The following LRRC36 variants were observed in gnomAD, a reference collection of about 807,000 sequenced individuals.
The protein encoded by LRRC36 is leucine-rich repeat-containing protein 36.
In LRRC36, 62 loss-of-function variants were observed where a neutral mutation model predicts 81.1. The ratio of observed to expected loss-of-function variants is 0.76; its 90% CI spans 0.62 to 0.94. The LOEUF is 0.94. Among genes scored for constraint, LRRC36 ranks in the 40% least tolerant of loss-of-function variants. The probability of loss-of-function intolerance (pLI) is 0.00; values close to 1 mark genes in which losing one functional copy is unlikely to be tolerated. For missense variants in LRRC36, 761 were observed against 881.7 expected, an observed-to-expected ratio of 0.86 and a Z score of 1.73; for synonymous variants, 334 against 348.6, an observed-to-expected ratio of 0.96 and a Z score of 0.47.
At chr16:67,375,483 C>A in intron 10 of LRRC36, 71 bp downstream of exon 10, 1 of 1,331,680 alleles carries the variant, frequency 7.5e-7, no homozygotes. Context: ...TGCTAAAAGC[C>A]ACTTAGCTCT....
In LRRC36 at chr16:67,358,645, A is replaced by G. The variant is rs561503684; in HGVS notation, c.578-4945A>G. Among the ~76,000 whole-genome samples the G allele has an allele frequency of 2.6e-4, 40 of 152,142 alleles. 1 individual carries two copies. The South Asian group carries it at 7.7e-3, about 29-fold the overall frequency. On this transcript the variant is annotated intron_variant, in intron 5 of 13. Transcript: ENST00000329956. ...TGGGATTACAGGCATGAGCTAACGT[A>G]TTCAACCCATTCTACATAAAGAACT... is the stretch of plus-strand genomic sequence containing the variant.
chr16:67,374,121 A>C (rs1158881544), intron 9 of LRRC36, among the ~76,000 whole-genome samples: 4 of 152,022 alleles, frequency 2.6e-5, no homozygotes, highest in Non-Finnish European at 4.4e-5. Flanking sequence ...GCTTGAACCC[A>C]GGAGTTCAAG....
chr16:67,332,468 G>A lies in LRRC36; in HGVS notation c.70+5536G>A, dbSNP rs141026861. ...ACTTGGGAGGCTGAGACAGGAGAAT[G>A]GCGTGAACCTGGGAGGCAGAGCTTG... is the stretch of plus-strand genomic sequence containing the variant. On this transcript the variant is annotated intron_variant, in intron 1 of 13. Coordinates refer to ENST00000329956, the MANE Select transcript of LRRC36 (RefSeq NM_018296.6). Among the ~76,000 whole-genome samples the A allele has an allele frequency of 6.5e-3, 990 of 152,146 alleles. 38 individuals are homozygous for A. Among genetic ancestry groups the A allele is most frequent in the Admixed American group, 0.054 (822 of 15,262 alleles).
chr16:67,365,989 G>C (rs2039365964), intron 7 of LRRC36, among the ~76,000 whole-genome samples: 2 of 151,908 alleles, frequency 1.3e-5, no homozygotes, highest in Admixed American at 6.6e-5. Context: ...GCCTTACAGT[G>C]GCACATACTT....
At position 67,326,996 on chromosome 16, in the gene LRRC36, G is replaced by C. The variant is rs971695783; in HGVS notation, c.70+64G>C. 3.5e-6 allele frequency: 5 copies of C among 1,421,142 alleles called. No homozygotes were observed. In the Admixed American group the frequency reaches 9.4e-5, roughly 27 times the overall value. 88.0% of individuals were successfully genotyped at this position (1,421,142 alleles called of 1,614,324 possible). ...GGTCAGAAGCTGTGGAAAGAAAACT[G>C]AAGTGGAAGGCGGGGAACCTGAGAT... On this transcript the variant is annotated intron_variant, in intron 1 of 13. Coordinates refer to ENST00000329956, the MANE Select transcript of LRRC36 (RefSeq NM_018296.6).
intron 1 of LRRC36, among the ~76,000 whole-genome samples, chr16:67,339,259 TAA>T (rs57925409): frequency 9.3e-4 from 114 of 122,914 alleles, no homozygotes; most frequent in African/African-American, 1.4e-3. Flanking sequence ...GTTAATACTG[TAA>T]AAAAAAAAAA....
At chr16:67,361,643 G>A (rs1162269580) in intron 5 of LRRC36, among the ~76,000 whole-genome samples, 1 of 152,184 alleles carries the variant, frequency 6.6e-6, no homozygotes, top group Admixed American at 6.5e-5. Flanking sequence ...TGCGATCTCA[G>A]CTCACAGCAA....
At chr16:67,375,136 AT>A in intron 9 of LRRC36, 110 bp from the exon 10 acceptor site, 3 of 1,283,508 alleles carry the variant, frequency 2.3e-6, no homozygotes, top group South Asian at 1.3e-5. Flanking sequence ...CCAAAAAAAA[AT>A]TAAAAAAAAA....
At chr16:67,328,819 C>T (rs2037334896) in intron 1 of LRRC36, among the ~76,000 whole-genome samples, 1 of 151,310 alleles carries the variant, frequency 6.6e-6, no homozygotes, top group Non-Finnish European at 1.5e-5. Flanking sequence ...CTATCCTCCA[C>T]CCACCTCCAA....
At chr16:67,330,480 T>G (rs2037429533) in intron 1 of LRRC36, among the ~76,000 whole-genome samples, 1 of 152,240 alleles carries the variant, frequency 6.6e-6, no homozygotes, top group South Asian at 2.1e-4. Flanking sequence ...GCTTTCAGAA[T>G]GATGAGTTAT....
At chr16:67,334,470 G>T (rs745596824) in intron 1 of LRRC36, among the ~76,000 whole-genome samples, 1 of 152,070 alleles carries the variant, frequency 6.6e-6, no homozygotes, top group Non-Finnish European at 1.5e-5. Context: ...GACTGCAGGC[G>T]TGTGCCACCA....
At chr16:67,361,934 C>A (rs1260934201) in intron 5 of LRRC36, among the ~76,000 whole-genome samples, 1 of 151,952 alleles carries the variant, frequency 6.6e-6, no homozygotes, top group African/African-American at 2.4e-5. Context: ...TTTTCTTTAA[C>A]TATAAAACAA....
rs771333208 is a variant in LRRC36 at position 67,384,852 on chromosome 16, T to C, written c.2046-18T>C. 15 of 1,606,156 alleles carry C rather than the reference T, an allele frequency of 9.3e-6. No individual in the cohort carries two copies. Among genetic ancestry groups the C allele is most frequent in the Non-Finnish European group, 1.3e-5 (15 of 1,173,144 alleles). On this transcript the variant is annotated intron_variant, in intron 13 of 13. Coordinates refer to ENST00000329956, the MANE Select transcript of LRRC36 (RefSeq NM_018296.6). The stretch of plus-strand genomic sequence containing the variant: ...TGCTTTTATGATTTCATGACTGCCT[T>C]TTTCCCTTGGGCCTCAGATCCCTGG...
intron 5 of LRRC36, among the ~76,000 whole-genome samples, chr16:67,354,439 G>A (rs377099278): frequency 5.9e-5 from 9 of 151,936 alleles, no homozygotes; most frequent in African/African-American, 2.2e-4. Flanking sequence ...CACCACGCCT[G>A]GTTAATATTT....
chr16:67,334,500 T>C (rs1285858854), intron 1 of LRRC36, among the ~76,000 whole-genome samples: 1 of 151,980 alleles, frequency 6.6e-6, no homozygotes, highest in Non-Finnish European at 1.5e-5. Context: ...GATTTTTGTA[T>C]TTTTAGTAGA....
chr16:67,347,264 C>A, intron 3 of LRRC36: 2 of 567,344 alleles, frequency 3.5e-6, no homozygotes, highest in Admixed American at 3.7e-5. Flanking sequence ...CTCTGCTTTC[C>A]TGAAGGGTAG....
At chr16:67,381,230 G>GAAAA (rs1179228134) in intron 12 of LRRC36, among the ~76,000 whole-genome samples, 453 of 41,092 alleles carry the variant, frequency 0.011, 6 homozygotes, top group Non-Finnish European at 0.024. Flanking sequence ...CTCTGCCTCA[G>GAAAA]AAAAAAAAAA....
chr16:67,343,332 A>G (rs919944152), intron 2 of LRRC36, among the ~76,000 whole-genome samples: 9 of 152,234 alleles, frequency 5.9e-5, no homozygotes, highest in African/African-American at 2.2e-4. Context: ...AGGCTGAGGC[A>G]GGCAGATTGC....
intron 2 of LRRC36, among the ~76,000 whole-genome samples, chr16:67,345,282 C>G (rs1315298159): frequency 6.6e-6 from 1 of 151,058 alleles, no homozygotes; most frequent in African/African-American, 2.4e-5. Context: ...CCACTGCACT[C>G]CAGCCTGGGC....
Sources: allele counts gnomAD v4.1 joint callset (sites outside exome capture counted in the v4.1 genomes callset), GRCh38; gene constraint gnomAD v4.1.1; transcripts MANE v1.5; gene names NCBI Gene and HGNC (gene_info 2026-07-23, HGNC 2026-07-21).